Variants in MYO1E observed in about 807,000 individuals in gnomAD.
MYO1E encodes the protein unconventional myosin-Ie.
Under a neutral mutation model 151.1 loss-of-function variants are expected in MYO1E, and 68 were observed. That is an observed-to-expected ratio of 0.45 (90% CI 0.37 to 0.55). MYO1E has a LOEUF of 0.55. Among genes scored for constraint, MYO1E ranks in the 20% least tolerant of loss-of-function variants. The probability of loss-of-function intolerance (pLI) is 0.00; values close to 1 mark genes in which losing one functional copy is unlikely to be tolerated. For missense variants in MYO1E, 1,363 were observed against 1,389.3 expected, an observed-to-expected ratio of 0.98 and a Z score of 0.30; for synonymous variants, 601 against 501.7, an observed-to-expected ratio of 1.20 and a Z score of -2.64.
In MYO1E at chr15:59,256,290, A is replaced by C; in HGVS notation, c.326T>G (p.Ile109Ser). ...ATAAGGATCTTCTTCATACCTGATAATGACGCACTGGTTCTCTCTGTCAAT... is the reference window on the plus strand; with the variant it reads ...ATAAGGATCTTCTTCATACCTGATACTGACGCACTGGTTCTCTCTGTCAAT... The part of the protein sequence containing the change: ...MIIDRENQCV[I>S]ISGESGAGKT... The change falls in exon 4 of 28, where the codon ATT becomes AGT. Residue 109 changes from isoleucine to serine, a missense_variant. Physicochemically the swap from Ile to Ser is moderately radical, Grantham distance 142. Coordinates refer to ENST00000288235, the MANE Select transcript of MYO1E (RefSeq NM_004998.4). 6.3e-7 allele frequency: 1 copy of C among 1,595,788 alleles called. No individual in the cohort carries two copies. Among genetic ancestry groups the C allele is most frequent in the Non-Finnish European group, 8.6e-7 (1 of 1,163,534 alleles).
chr15:59,280,898 G>A (rs1335976144), intron 1 of MYO1E, among the ~76,000 whole-genome samples: 1 of 152,154 alleles, frequency 6.6e-6, no homozygotes, highest in East Asian at 1.9e-4. Context: ...CAGGAACTGT[G>A]TAGTGGCTTT....
At chr15:59,363,353 G>A (rs1343078891) in intron 1 of MYO1E, among the ~76,000 whole-genome samples, 1 of 152,060 alleles carries the variant, frequency 6.6e-6, no homozygotes, top group East Asian at 1.9e-4. Context: ...CCCAAAGCAA[G>A]GAAATTAAAA....
chr15:59,239,902 G>C (rs551020408), intron 4 of MYO1E, among the ~76,000 whole-genome samples: 1 of 152,244 alleles, frequency 6.6e-6, no homozygotes, highest in Admixed American at 6.5e-5. Flanking sequence ...AATTATGCTG[G>C]CCTGTTTGGG....
chr15:59,215,519 T>C (rs909447925), intron 10 of MYO1E, among the ~76,000 whole-genome samples: 5 of 151,998 alleles, frequency 3.3e-5, no homozygotes, highest in African/African-American at 1.2e-4. Context: ...ACAGATGTAA[T>C]GACAGCAAGG....
intron 14 of MYO1E, chr15:59,207,530 G>C (rs371948122): frequency 6.2e-7 from 1 of 1,613,942 alleles, no homozygotes; most frequent in Non-Finnish European, 8.5e-7. Flanking sequence ...TATGTAGCTT[G>C]GAAGTTGAGT....
chr15:59,293,391 C>T (rs1227029309), intron 1 of MYO1E, among the ~76,000 whole-genome samples: 2 of 151,798 alleles, frequency 1.3e-5, no homozygotes, highest in African/African-American at 4.8e-5. Context: ...ACTAAAAATA[C>T]AAAAATTAGC....
chr15:59,308,080 G>A (rs117060578), intron 1 of MYO1E, among the ~76,000 whole-genome samples: 295 of 150,842 alleles, frequency 2.0e-3, no homozygotes, highest in East Asian at 0.015. Context: ...AAAATTAGCC[G>A]GATGTGGTGG....
chr15:59,228,347 G>C (rs578016030), intron 6 of MYO1E, among the ~76,000 whole-genome samples: 2 of 152,218 alleles, frequency 1.3e-5, no homozygotes, highest in African/African-American at 4.8e-5. Context: ...GCTGGGCATG[G>C]TGGCGGGTGC....
chr15:59,287,327 ATCT>A (rs1194945584), intron 1 of MYO1E, among the ~76,000 whole-genome samples: 3 of 152,226 alleles, frequency 2.0e-5, no homozygotes, highest in Non-Finnish European at 4.4e-5. Context: ...CGGGAGCCTT[ATCT>A]TCTATTGATG....
intron 1 of MYO1E, among the ~76,000 whole-genome samples, chr15:59,336,392 C>T (rs1240044396): frequency 4.0e-5 from 6 of 151,682 alleles, no homozygotes; most frequent in Non-Finnish European, 7.4e-5. Flanking sequence ...AAGAAAAAAC[C>T]CTAGATTCAA....
intron 22 of MYO1E, among the ~76,000 whole-genome samples, chr15:59,167,896 C>CTTGA (rs1362267058): frequency 2.0e-5 from 3 of 152,142 alleles, no homozygotes; most frequent in Non-Finnish European, 4.4e-5. Flanking sequence ...CCAGGCTGGT[C>CTTGA]TTGAACGCCT....
intron 1 of MYO1E, among the ~76,000 whole-genome samples, chr15:59,312,746 G>A (rs192715066): frequency 1.6e-4 from 24 of 152,228 alleles, no homozygotes; most frequent in African/African-American, 5.3e-4. Context: ...TTGGCTGGGC[G>A]CAGTGGCTCA....
intron 1 of MYO1E, among the ~76,000 whole-genome samples, chr15:59,274,100 A>C (rs2080304576): frequency 6.6e-6 from 1 of 152,060 alleles, no homozygotes; most frequent in African/African-American, 2.4e-5. Flanking sequence ...GCTAAGAGCA[A>C]GTTCTAAGAA....
chr15:59,320,807 C>T (rs144191711), intron 1 of MYO1E, among the ~76,000 whole-genome samples: 1 of 152,190 alleles, frequency 6.6e-6, no homozygotes, highest in East Asian at 1.9e-4. Flanking sequence ...CTCAAAACAA[C>T]TGCAACAAAA....
At chr15:59,186,583 C>G (rs1206376716) in intron 18 of MYO1E, among the ~76,000 whole-genome samples, 1 of 152,042 alleles carries the variant, frequency 6.6e-6, no homozygotes, top group South Asian at 2.1e-4. Flanking sequence ...GAGACCCTGT[C>G]TCTACGAAAA....
At chr15:59,308,469 C>T (rs564822432) in intron 1 of MYO1E, among the ~76,000 whole-genome samples, 7 of 151,770 alleles carry the variant, frequency 4.6e-5, no homozygotes, top group East Asian at 1.9e-4. Context: ...GTCAGCAGTT[C>T]GAAACCAGCC....
Position 59,261,464 on chromosome 15 carries a change from T to C in MYO1E, c.193A>G (p.Met65Val). The change falls in exon 3 of 28, where the codon ATG becomes GTG. Residue 65 changes from methionine (M) to valine (V), a missense_variant. Transcript: ENST00000288235. Reference protein sequence around the residue: ...VLISVNPFKQMPYFGEKEIEM... With the variant: ...VLISVNPFKQVPYFGEKEIEM... ...ATTTCCTTTTCCCCAAAATATGGCATCTGCTTGAAAGGGTTGACTGAGATT... is the reference window on the plus strand; with the variant it reads ...ATTTCCTTTTCCCCAAAATATGGCACCTGCTTGAAAGGGTTGACTGAGATT... 1.9e-6 allele frequency: 3 copies of C among 1,611,684 alleles called. No homozygotes were observed. The highest frequency in any genetic ancestry group is 2.5e-6 in the Non-Finnish European group (3 of 1,177,932).
intron 2 of MYO1E, among the ~76,000 whole-genome samples, chr15:59,262,915 C>G (rs2080232471): frequency 6.6e-6 from 1 of 151,938 alleles, no homozygotes; most frequent in African/African-American, 2.4e-5. Flanking sequence ...ACTTAACATG[C>G]CAGGCACTGT....
intron 1 of MYO1E, among the ~76,000 whole-genome samples, chr15:59,298,387 G>C (rs906618807): frequency 3.9e-5 from 6 of 152,202 alleles, no homozygotes; most frequent in Non-Finnish European, 7.3e-5. Context: ...GCTGTGCCCT[G>C]ATCAGTGATA....
Sources: allele counts gnomAD v4.1 joint callset (sites outside exome capture counted in the v4.1 genomes callset), GRCh38; gene constraint gnomAD v4.1.1; transcripts MANE v1.5; gene names NCBI Gene and HGNC (gene_info 2026-07-23, HGNC 2026-07-21).